Variants in SGCZ observed in about 807,000 individuals in gnomAD.
The protein encoded by SGCZ is sarcoglycan zeta.
A neutral mutation model predicts 41.3 loss-of-function variants in SGCZ; 40 were observed. That is an observed-to-expected ratio of 0.97 (90% confidence interval 0.75 to 1.26). The LOEUF is 1.26. SGCZ is among the 50% of genes most tolerant of loss of function. SGCZ has a pLI of 0.00. For missense variants in SGCZ, 552 were observed against 369.8 expected (o/e 1.49, Z -4.04); for synonymous variants, 206 against 137.5 (o/e 1.50, Z -3.49).
At chr8:14,092,280 A>T (rs150753851) in intron 7 of SGCZ, among the ~76,000 whole-genome samples, 3,224 of 152,138 alleles carry the variant, frequency 0.021, 126 homozygotes, top group African/African-American at 0.074. Flanking sequence ...CTTTTTGCTT[A>T]GGATTGTCTT....
chr8:14,303,359 T>G (rs1389642649), intron 3 of SGCZ, among the ~76,000 whole-genome samples: 1 of 152,100 alleles, frequency 6.6e-6, no homozygotes, highest in East Asian at 1.9e-4. Flanking sequence ...ATTTAACTTT[T>G]CACCAATCCC....
intron 1 of SGCZ, among the ~76,000 whole-genome samples, chr8:14,851,368 C>CAAAAAAAAAAAAAAAAA (rs369090223): frequency 4.7e-4 from 29 of 61,872 alleles, no homozygotes; most frequent in African/African-American, 7.6e-4. Context: ...GACTCCATCT[C>CAAAAAAAAAAAAAAAAA]AAAAAAAAAA....
At chr8:15,172,399 A>T (rs1342314271) in intron 1 of SGCZ, among the ~76,000 whole-genome samples, 2 of 151,392 alleles carry the variant, frequency 1.3e-5, no homozygotes, top group African/African-American at 4.9e-5. Flanking sequence ...TGACCTCGTG[A>T]TCTGCCCGTC....
chr8:14,488,624 G>A (rs1461869), intron 2 of SGCZ, among the ~76,000 whole-genome samples: 32,488 of 143,758 alleles, frequency 0.23, 3,615 homozygotes, highest in Admixed American at 0.29. Flanking sequence ...TCTTTCCATC[G>A]CTGTGAGAAG....
At position 14,473,215 on chromosome 8, in the gene SGCZ, T is replaced by A. The variant is rs1421614195; in HGVS notation, c.234+81517A>T. ...AAAGGTTTATGAAGTACTCTCTTTA[T>A]GTATTAGAGAAACAGATAAAATCAT... On this transcript the variant is annotated intron_variant, in intron 2 of 7. Coordinates refer to ENST00000382080, the MANE Select transcript of SGCZ (RefSeq NM_139167.4). Among the ~76,000 whole-genome samples the A allele has an allele frequency of 2.0e-5, 3 of 152,160 alleles. No homozygotes were observed. The East Asian group carries it at 5.8e-4, about 29-fold the overall frequency.
At chr8:14,705,301 C>A (rs1809298796) in intron 1 of SGCZ, among the ~76,000 whole-genome samples, 1 of 151,846 alleles carries the variant, frequency 6.6e-6, no homozygotes, top group African/African-American at 2.4e-5. Context: ...TATTTGTTAA[C>A]AGGATTATGA....
At chr8:14,327,261 G>C (rs945466882) in intron 2 of SGCZ, among the ~76,000 whole-genome samples, 8 of 152,292 alleles carry the variant, frequency 5.3e-5, no homozygotes, top group Non-Finnish European at 7.4e-5. Flanking sequence ...GAACACCCCA[G>C]GGGTGGAGGT....
chr8:15,039,087 A>C (rs1016034089), intron 1 of SGCZ, among the ~76,000 whole-genome samples: 2 of 152,152 alleles, frequency 1.3e-5, no homozygotes, highest in African/African-American at 4.8e-5. Context: ...TCAGACAAGT[A>C]AAAATAGAAC....
At chr8:14,242,865 C>T (rs529427578) in intron 3 of SGCZ, among the ~76,000 whole-genome samples, 1 of 151,972 alleles carries the variant, frequency 6.6e-6, no homozygotes, top group Admixed American at 6.6e-5. Context: ...AAATGTCAAA[C>T]CAATATAAAA....
chr8:15,113,385 G>C (rs956774990), intron 1 of SGCZ, among the ~76,000 whole-genome samples: 3 of 152,072 alleles, frequency 2.0e-5, no homozygotes, highest in Non-Finnish European at 2.9e-5. Context: ...AGACGAACCA[G>C]ATTTTCTCTT....
At chr8:14,872,042 A>T (rs1220999167) in intron 1 of SGCZ, among the ~76,000 whole-genome samples, 2 of 151,966 alleles carry the variant, frequency 1.3e-5, no homozygotes, top group African/African-American at 4.8e-5. Flanking sequence ...GCTGGAAACC[A>T]TCATTCTCAG....
intron 1 of SGCZ, among the ~76,000 whole-genome samples, chr8:15,186,433 T>A (rs1395344182): frequency 6.6e-6 from 1 of 152,122 alleles, no homozygotes; most frequent in East Asian, 1.9e-4. Context: ...TACTCATAAA[T>A]GTAAAAACTG....
chr8:14,918,132 G>A (rs1023414849), intron 1 of SGCZ, among the ~76,000 whole-genome samples: 5 of 152,094 alleles, frequency 3.3e-5, no homozygotes, highest in African/African-American at 7.2e-5. Context: ...CTTTTAAGAT[G>A]GAAAATGAGG....
chr8:15,154,692 G>A (rs1799278989), intron 1 of SGCZ, among the ~76,000 whole-genome samples: 1 of 152,148 alleles, frequency 6.6e-6, no homozygotes, highest in Non-Finnish European at 1.5e-5. Context: ...CATTTGAAGA[G>A]GGCTTTGCAT....
At chr8:15,053,277 T>G (rs1346882678) in intron 1 of SGCZ, among the ~76,000 whole-genome samples, 1 of 152,118 alleles carries the variant, frequency 6.6e-6, no homozygotes, top group African/African-American at 2.4e-5. Flanking sequence ...ATTGTGAATT[T>G]TCACAGTTTT....
intron 2 of SGCZ, among the ~76,000 whole-genome samples, chr8:14,485,887 TGC>T (rs1801659384): frequency 7.6e-6 from 1 of 130,980 alleles, no homozygotes; most frequent in Admixed American, 9.4e-5. Context: ...CAGGCCGGAC[TGC>T]GGACTGCAGT....
chr8:14,440,111 T>C (rs1382247671), intron 2 of SGCZ, among the ~76,000 whole-genome samples: 2 of 152,116 alleles, frequency 1.3e-5, no homozygotes, highest in African/African-American at 4.8e-5. Context: ...TGAATGTATA[T>C]TACTTTATTT....
chr8:14,981,112 G>A (rs926733242), intron 1 of SGCZ, among the ~76,000 whole-genome samples: 1 of 152,030 alleles, frequency 6.6e-6, no homozygotes, highest in East Asian at 1.9e-4. Flanking sequence ...CATATTTGCT[G>A]TGGAATAGAG....
At chr8:14,720,140 T>C (rs1809834014) in intron 1 of SGCZ, among the ~76,000 whole-genome samples, 1 of 152,012 alleles carries the variant, frequency 6.6e-6, no homozygotes, top group Admixed American at 6.6e-5. Flanking sequence ...TTTCAGACTA[T>C]CTGATCTTGG....
Sources: allele counts gnomAD v4.1 joint callset (sites outside exome capture counted in the v4.1 genomes callset), GRCh38; gene constraint gnomAD v4.1.1; transcripts MANE v1.5; gene names NCBI Gene and HGNC (gene_info 2026-07-23, HGNC 2026-07-21).